LMO1: variants seen among roughly 807,000 people sequenced by gnomAD.
The protein encoded by LMO1 is rhombotin-1.
LMO1 carries 10 observed loss-of-function variants against 18.0 expected under a neutral mutation model. The ratio of observed to expected loss-of-function variants is 0.55; its 90% CI spans 0.34 to 0.94. The LOEUF (loss-of-function observed/expected upper bound fraction) is 0.94. Among genes scored for constraint, LMO1 ranks in the 40% least tolerant of loss-of-function variants. The pLI is 0.02. For synonymous variants in LMO1, 77 were observed against 77.9 expected (o/e 0.99, Z 0.06); for missense variants, 183 against 205.7 (o/e 0.89, Z 0.68).
At chr11:8,265,645 C>T (rs1330189393), upstream of LMO1, among the ~76,000 whole-genome samples, 4 of 152,164 alleles carry the variant, frequency 2.6e-5, no homozygotes, top group South Asian at 2.1e-4. Flanking sequence ...CTGCCACTGC[C>T]GCCAGACCCA....
At chr11:8,239,528 C>A (rs564686800) in intron 1 of LMO1, among the ~76,000 whole-genome samples, 1 of 152,080 alleles carries the variant, frequency 6.6e-6, no homozygotes, top group Non-Finnish European at 1.5e-5. Flanking sequence ...GACAAAGAAG[C>A]CTTGAGATGG....
At chr11:8,249,770 C>T (rs996286436) in intron 1 of LMO1, among the ~76,000 whole-genome samples, 1 of 152,166 alleles carries the variant, frequency 6.6e-6, no homozygotes, top group Non-Finnish European at 1.5e-5. Flanking sequence ...GTTCCTTGTC[C>T]TCTCTCTGAG....
chr11:8,256,068 T>G (rs1449005136), intron 1 of LMO1, among the ~76,000 whole-genome samples: 1 of 152,038 alleles, frequency 6.6e-6, no homozygotes, highest in Non-Finnish European at 1.5e-5. Context: ...CTCGTGATCC[T>G]CCCGCCTCGG....
chr11:8,242,739 G>C (rs528932325), intron 1 of LMO1, among the ~76,000 whole-genome samples: 1 of 152,214 alleles, frequency 6.6e-6, no homozygotes, highest in Non-Finnish European at 1.5e-5. Flanking sequence ...GGGCTCCCAA[G>C]AGGCCTGCAG....
upstream of LMO1, chr11:8,268,327 T>G (rs1847281749): frequency 3.7e-6 from 4 of 1,078,706 alleles, no homozygotes; most frequent in Admixed American, 3.4e-5. Context: ...CTGAGGGCTC[T>G]GCCGCCGCTA....
At chr11:8,262,784 C>T (rs926409554) in intron 1 of LMO1, among the ~76,000 whole-genome samples, 1 of 152,214 alleles carries the variant, frequency 6.6e-6, no homozygotes, top group African/African-American at 2.4e-5. Context: ...AGATGTCCCC[C>T]GGAGGGTCCA....
intron 3 of LMO1, 187 bp downstream of exon 3, chr11:8,226,788 T>A (rs1011796014): frequency 4.8e-5 from 54 of 1,116,000 alleles, no homozygotes; most frequent in Non-Finnish European, 6.3e-5. Context: ...GTGCACACAT[T>A]TGGCTACCGA....
chr11:8,242,787 T>C (rs1257464712), intron 1 of LMO1, among the ~76,000 whole-genome samples: 1 of 151,794 alleles, frequency 6.6e-6, no homozygotes, highest in Non-Finnish European at 1.5e-5. Context: ...CTCAGACGAG[T>C]CTCAATTTCA....
rs372795995 is a variant in LMO1, at chr11:8,229,862, T to C, written c.239+429A>G. 1.0e-3 allele frequency among the ~76,000 whole-genome samples: 155 copies of C among 152,300 alleles called. 2 individuals carry two copies. In the South Asian group the frequency reaches 0.016, roughly 15 times the overall value. On this transcript the variant is annotated intron_variant, in intron 2 of 3. Transcript: ENST00000335790. Reference sequence around the variant, plus strand: ...CCATCTAGAAAGGAAAGTTGGACACTGGGAGATGGAAAGAGACTGCATTAG... The same window carrying C: ...CCATCTAGAAAGGAAAGTTGGACACCGGGAGATGGAAAGAGACTGCATTAG...
rs1018291111 is a variant in LMO1 at position 8,263,623 on chromosome 11, G to A, written c.-261C>T. ...CTGCAATTTAGAGAGAGAGGGAGAG[G>A]GAGAGAGAAGGGGGAAAAGAGGATC... On this transcript the variant is annotated 5_prime_UTR_variant, in exon 1 of 4. Transcript: ENST00000335790. The A allele has an allele frequency of 5.9e-6, 8 of 1,350,552 alleles. No homozygotes were observed. The highest frequency in any genetic ancestry group is 1.5e-5 in the African/African-American group (1 of 65,420). 83.7% of individuals were successfully genotyped at this position (1,350,552 alleles called of 1,614,324 possible). A position where few individuals can be genotyped will look rare whatever the true frequency, so the allele number is the denominator to read the frequency against.
At chr11:8,226,271 G>A (rs907863075) in intron 3 of LMO1, among the ~76,000 whole-genome samples, 6 of 152,168 alleles carry the variant, frequency 3.9e-5, no homozygotes, top group Admixed American at 6.5e-5. Flanking sequence ...GAGGTGGGCA[G>A]ATAACCTGAG....
In LMO1 at chr11:8,225,404, CAAAAAAAAAAAA is replaced by C. The variant is rs34847129; in HGVS notation, c.366-695_366-684del. 2.9e-4 allele frequency among the ~76,000 whole-genome samples: 10 copies of C among 34,700 alleles called. No homozygotes were observed. In the Admixed American group the frequency reaches 3.4e-3, roughly 12 times the overall value. The allele number at this position is 34,700 out of a possible 152,430, so 22.8% of individuals were successfully genotyped here. ...TGGGCGACAGAGTAAGACTCCATCTCAAAAAAAAAAAAAAAAAAAAAAAAAAAAGGCAGAGAT... is the reference window on the plus strand; with the variant it reads ...TGGGCGACAGAGTAAGACTCCATCTCAAAAAAAAAAAAAAAAGGCAGAGAT... On this transcript the variant is annotated intron_variant, in intron 3 of 3. Coordinates refer to ENST00000335790, the MANE Select transcript of LMO1 (RefSeq NM_002315.3).
At chr11:8,228,824 G>C (rs1952598346) in intron 2 of LMO1, among the ~76,000 whole-genome samples, 1 of 152,116 alleles carries the variant, frequency 6.6e-6, no homozygotes, top group Admixed American at 6.5e-5. Flanking sequence ...TCAGCCCCCA[G>C]GTGATGCCCT....
upstream of LMO1, among the ~76,000 whole-genome samples, chr11:8,264,674 C>A (rs1304078830): frequency 6.6e-6 from 1 of 152,084 alleles, no homozygotes; most frequent in Non-Finnish European, 1.5e-5. Flanking sequence ...CTCTGTTGCC[C>A]AGGCTGGAGT....
chr11:8,243,499 T>G (rs2134554295), intron 1 of LMO1, among the ~76,000 whole-genome samples: 1 of 152,132 alleles, frequency 6.6e-6, no homozygotes, highest in South Asian at 2.1e-4. Context: ...GAAGTGAGAG[T>G]GGTCTGAAGC....
chr11:8,260,485 G>A (rs75888747), intron 1 of LMO1, among the ~76,000 whole-genome samples: 6,085 of 152,110 alleles, frequency 0.04, 172 homozygotes, highest in Middle Eastern at 0.078. Flanking sequence ...AAGTTTAACC[G>A]TTTGCAAAAC....
chr11:8,239,860 C>T (rs1285455228), intron 1 of LMO1, among the ~76,000 whole-genome samples: 2 of 152,212 alleles, frequency 1.3e-5, no homozygotes, highest in Non-Finnish European at 2.9e-5. Context: ...CCTGCAGCCA[C>T]CATAGTCATG....
intron 1 of LMO1, among the ~76,000 whole-genome samples, chr11:8,242,261 G>A (rs1012767023): frequency 1.3e-5 from 2 of 152,130 alleles, no homozygotes; most frequent in Admixed American, 6.5e-5. Flanking sequence ...CAGCAAAAAC[G>A]CATCCTCCAG....
chr11:8,250,591 C>T lies in LMO1; in HGVS notation c.25+12747G>A, dbSNP rs1846973830. On this transcript the variant is annotated intron_variant, in intron 1 of 3. Coordinates refer to ENST00000335790, the MANE Select transcript of LMO1 (RefSeq NM_002315.3). Reference sequence around the variant, plus strand: ...GAGCCCTGCCCACTGCCCACTGCTCCCTGGAGCCCTGGCCCCTGCCAAGAA... The same window carrying T: ...GAGCCCTGCCCACTGCCCACTGCTCTCTGGAGCCCTGGCCCCTGCCAAGAA... Among the ~76,000 whole-genome samples, 4 of 152,232 alleles carry T rather than the reference C, an allele frequency of 2.6e-5. No homozygotes were observed. The South Asian group carries it at 8.3e-4, about 32-fold the overall frequency.
Sources: gnomAD v4.1 joint callset for allele counts (sites outside exome capture counted in the v4.1 genomes callset) on GRCh38, gnomAD v4.1.1 for gene constraint, MANE v1.5 for transcripts, NCBI Gene and HGNC (gene_info 2026-07-23, HGNC 2026-07-21) for gene names.